DNAH8: variants seen among roughly 807,000 people sequenced by gnomAD.
DNAH8 encodes the protein dynein axonemal heavy chain 8.
DNAH8 carries 382 observed loss-of-function variants against 562.1 expected under a neutral mutation model. The observed-to-expected ratio is 0.68, with a 90% CI of 0.63 to 0.74. The LOEUF (loss-of-function observed/expected upper bound fraction) is 0.74. Among genes scored for constraint, DNAH8 ranks in the 30% least tolerant of loss-of-function variants. The pLI, the probability that DNAH8 is intolerant of heterozygous loss-of-function variation, is 0.00. For missense variants in DNAH8, 5,203 were observed against 5,620.4 expected, an observed-to-expected ratio of 0.93 and a Z score of 2.37; for synonymous variants, 1,881 against 1,919.4, an observed-to-expected ratio of 0.98 and a Z score of 0.52.
intron 87 of DNAH8, among the ~76,000 whole-genome samples, chr6:38,989,201 G>A (rs899073980): frequency 1.1e-4 from 17 of 152,174 alleles, no homozygotes; most frequent in African/African-American, 3.6e-4. Context: ...CAAGTGCTCC[G>A]AGTAATTCAG....
At chr6:38,784,107 G>A (rs549221563) in intron 17 of DNAH8, among the ~76,000 whole-genome samples, 1 of 152,156 alleles carries the variant, frequency 6.6e-6, no homozygotes, top group Non-Finnish European at 1.5e-5. Context: ...CCCCCGCAGG[G>A]TGTCGTCCCT....
chr6:38,773,500 T>C (rs767827305), intron 12 of DNAH8, among the ~76,000 whole-genome samples: 2 of 152,146 alleles, frequency 1.3e-5, no homozygotes, highest in Non-Finnish European at 2.9e-5. Flanking sequence ...GCCCTGCCTC[T>C]AGTTTGAAGA....
In DNAH8 at chr6:38,723,485, T is replaced by A. The variant is rs772613727; in HGVS notation, c.525+14T>A. The A allele has an allele frequency of 6.3e-7, 1 of 1,592,472 alleles. No individual in the cohort carries two copies. Among genetic ancestry groups the A allele is most frequent in the Non-Finnish European group, 8.5e-7 (1 of 1,174,430 alleles). ...GATTGCCCATCTGTAAGTTTAAGTC[T>A]TATCATTATATTTTAATTGCCCTTT... On this transcript the variant is annotated intron_variant, in intron 3 of 92. Transcript: ENST00000327475.
chr6:39,005,884 T>G (rs1257479222), intron 88 of DNAH8, among the ~76,000 whole-genome samples: 1 of 152,252 alleles, frequency 6.6e-6, no homozygotes, highest in African/African-American at 2.4e-5. Flanking sequence ...TTTTTGGTTT[T>G]CTACGGTTTT....
intron 53 of DNAH8, among the ~76,000 whole-genome samples, chr6:38,877,765 G>A (rs1778140533): frequency 6.6e-6 from 1 of 152,140 alleles, no homozygotes; most frequent in South Asian, 2.1e-4. Flanking sequence ...GGAGACTTAT[G>A]CTTCCAGCGA....
Position 38,845,623 on chromosome 6 carries a change from C to T in DNAH8, c.4895C>T (p.Thr1632Ile). The T allele has an allele frequency of 3.7e-6, 6 of 1,613,914 alleles. No homozygotes were observed. Among genetic ancestry groups the T allele is most frequent in the Non-Finnish European group, 5.1e-6 (6 of 1,179,872 alleles). Residue 1632 changes from threonine to isoleucine, a missense_variant, in exon 36 of 93, where the codon ACT (threonine) becomes ATT (isoleucine). Coordinates refer to ENST00000327475, the MANE Select transcript of DNAH8 (RefSeq NM_001206927.2). ...IKEKDIEAKL[T>I]QVIENWTNQN... ...GAGAAGGATATCGAAGCCAAGCTGA[C>T]TCAGGTGATTGAGAATTGGACCAAC...
intron 91 of DNAH8, among the ~76,000 whole-genome samples, chr6:39,026,008 T>C (rs1389708123): frequency 6.6e-6 from 1 of 152,242 alleles, no homozygotes; most frequent in Non-Finnish European, 1.5e-5. Context: ...CATTAAAATA[T>C]GTAGCTTTCC....
rs1762900523 is a variant in DNAH8, at chr6:38,723,026, C to G, written c.217C>G (p.Leu73Val). 6.2e-7 allele frequency: 1 copy of G among 1,612,754 alleles called. No individual in the cohort carries two copies. ...DLIPSEEGIVLPDDHEADLNR... is the reference protein window; with the variant it reads ...DLIPSEEGIVVPDDHEADLNR... ...CATTCCTTCTGAAGAAGGGATAGTT[C>G]TTCCAGATGATCATGAAGCGGATCT... The change falls in exon 2 of 93, where the codon CTT becomes GTT. Residue 73 changes from leucine to valine, a missense_variant. Around this residue, in one of 6 missense-constraint regions of DNAH8, gnomAD observed 556 missense variants for 496.9 expected, o/e 1.12. Coordinates refer to ENST00000327475, the MANE Select transcript of DNAH8 (RefSeq NM_001206927.2).
Position 38,938,915 on chromosome 6 carries a change from A to G in DNAH8, c.11934A>G (p.Val3978=). The G allele has an allele frequency of 6.2e-7, 1 of 1,613,964 alleles. No individual in the cohort carries two copies. Among genetic ancestry groups the G allele is most frequent in the Non-Finnish European group, 8.5e-7 (1 of 1,179,874 alleles). ...GLYENHKFLF[V]LLMTLKIDLQ... is the part of the protein sequence containing the mutation. ...ACGAAAACCACAAATTCCTGTTTGT[A>G]CTCCTCATGACCTTAAAGATTGACC... Residue 3978 remains valine, a synonymous_variant, in exon 79 of 93, where the codon GTA becomes GTG. Transcript: ENST00000327475.
At chr6:38,903,332 T>A (rs1583311921) in intron 62 of DNAH8, among the ~76,000 whole-genome samples, 1 of 152,130 alleles carries the variant, frequency 6.6e-6, no homozygotes, top group Non-Finnish European at 1.5e-5. Context: ...GGGCAGCAGG[T>A]GGTCATATTG....
intron 48 of DNAH8, among the ~76,000 whole-genome samples, chr6:38,870,013 A>G (rs1361321697): frequency 1.3e-5 from 2 of 152,204 alleles, no homozygotes; most frequent in African/African-American, 4.8e-5. Context: ...GTGAATGAGG[A>G]GCAAAGTCAC....
At chr6:38,925,309 ATTTTAT>A (rs1782027280) in intron 73 of DNAH8, among the ~76,000 whole-genome samples, 1 of 120,652 alleles carries the variant, frequency 8.3e-6, no homozygotes, top group African/African-American at 3.5e-5. Context: ...ATTTTATTTT[ATTTTAT>A]TTTATTTTAT....
At chr6:38,735,560 T>C (rs1442635237) in intron 5 of DNAH8, among the ~76,000 whole-genome samples, 1 of 152,254 alleles carries the variant, frequency 6.6e-6, no homozygotes, top group Non-Finnish European at 1.5e-5. Context: ...AATGCCTCTA[T>C]GTATGGATGT....
chr6:38,862,988 T>A (rs1563031138), intron 44 of DNAH8, among the ~76,000 whole-genome samples: 2 of 152,214 alleles, frequency 1.3e-5, no homozygotes, highest in Non-Finnish European at 2.9e-5. Context: ...CTCTTGGTGA[T>A]CTTATGTAGG....
At chr6:38,716,264 T>C (rs1180705690) in intron 1 of DNAH8, among the ~76,000 whole-genome samples, 1 of 151,690 alleles carries the variant, frequency 6.6e-6, no homozygotes, top group Non-Finnish European at 1.5e-5. Context: ...CCCGGCCATA[T>C]ACCTATATAT....
intron 10 of DNAH8, among the ~76,000 whole-genome samples, chr6:38,761,077 G>C (rs886968803): frequency 6.8e-6 from 1 of 146,636 alleles, no homozygotes; most frequent in Non-Finnish European, 1.5e-5. Flanking sequence ...TTTTTTTTTG[G>C]ATTGTATTTT....
intron 22 of DNAH8, among the ~76,000 whole-genome samples, chr6:38,804,759 A>G (rs1425330506): frequency 9.0e-6 from 1 of 111,068 alleles, no homozygotes; most frequent in South Asian, 3.3e-4. Context: ...ACATAGCAAG[A>G]AGAGAGAGAG....
At chr6:38,727,073 G>C (rs1045372540) in intron 3 of DNAH8, among the ~76,000 whole-genome samples, 1 of 151,954 alleles carries the variant, frequency 6.6e-6, no homozygotes, top group African/African-American at 2.4e-5. Flanking sequence ...GGCCAGGCTG[G>C]TCTCGAACTC....
intron 28 of DNAH8, among the ~76,000 whole-genome samples, chr6:38,823,957 A>G (rs1318207595): frequency 7.9e-5 from 12 of 152,164 alleles, no homozygotes; most frequent in African/African-American, 2.9e-4. Flanking sequence ...TTCTTTATAC[A>G]CACATCCGTA....
Sources: allele counts gnomAD v4.1 joint callset (sites outside exome capture counted in the v4.1 genomes callset), GRCh38; gene constraint gnomAD v4.1.1; regional missense constraint gnomAD v4.1.1; transcripts MANE v1.5; gene names NCBI Gene and HGNC (gene_info 2026-07-23, HGNC 2026-07-21).